The following PTPRQ variants were observed in gnomAD, a reference collection of about 807,000 sequenced individuals.
PTPRQ encodes the protein phosphatidylinositol phosphatase PTPRQ.
Under a neutral mutation model 246.0 loss-of-function variants are expected in PTPRQ, and 199 were observed. That is an observed-to-expected ratio of 0.81 (90% confidence interval 0.72 to 0.91). The LOEUF is 0.91. PTPRQ is among the 40% of genes least tolerant of loss of function. The pLI, the probability that PTPRQ is intolerant of heterozygous loss-of-function variation, is 0.00. For missense variants in PTPRQ, 2,624 were observed against 2,528.4 expected, an observed-to-expected ratio of 1.04 and a Z score of -0.81; for synonymous variants, 869 against 853.2, an observed-to-expected ratio of 1.02 and a Z score of -0.32.
chr12:80,617,818 G>T (rs1391900522), intron 30 of PTPRQ, among the ~76,000 whole-genome samples: 1 of 151,440 alleles, frequency 6.6e-6, no homozygotes, highest in African/African-American at 2.4e-5. Context: ...GCATTTGACA[G>T]ATATTATGAA....
chr12:80,486,929 T>A (rs1197675798), intron 9 of PTPRQ, among the ~76,000 whole-genome samples: 6 of 152,202 alleles, frequency 3.9e-5, no homozygotes, highest in African/African-American at 1.4e-4. Flanking sequence ...TGCAATTTTA[T>A]GTACTGTGAC....
chr12:80,625,529 A>G (rs968086535), intron 33 of PTPRQ, among the ~76,000 whole-genome samples: 1 of 152,166 alleles, frequency 6.6e-6, no homozygotes, highest in South Asian at 2.1e-4. Flanking sequence ...TGCCTCTCAG[A>G]GACGTTATTA....
intron 35 of PTPRQ, among the ~76,000 whole-genome samples, chr12:80,635,373 C>T (rs763053903): frequency 6.6e-6 from 1 of 152,092 alleles, no homozygotes; most frequent in South Asian, 2.1e-4. Context: ...TAATTCATTT[C>T]ATATGATAGA....
In PTPRQ at chr12:80,496,221, G is replaced by T. The variant is rs556262144; in HGVS notation, c.1991-29G>T. Reference sequence around the variant, plus strand: ...GCAACAAACATCAATAAAAATATAGGTACTACAAATGTTCTTTTCTTCCCC... The same window carrying T: ...GCAACAAACATCAATAAAAATATAGTTACTACAAATGTTCTTTTCTTCCCC... On this transcript the variant is annotated intron_variant, in intron 13 of 44. Transcript: ENST00000644991. 1.4e-5 allele frequency: 21 copies of T among 1,542,534 alleles called. No individual in the cohort carries two copies. The African/African-American group carries it at 2.8e-4, about 20-fold the overall frequency.
At chr12:80,493,207 C>A in intron 9 of PTPRQ, 68 bp from the exon 10 acceptor site, 1 of 1,344,262 alleles carries the variant, frequency 7.4e-7, no homozygotes, top group Non-Finnish European at 9.6e-7. Flanking sequence ...TTTTTTAGAA[C>A]TAATACTTGA....
intron 33 of PTPRQ, among the ~76,000 whole-genome samples, chr12:80,627,992 C>T (rs1202279302): frequency 1.3e-5 from 2 of 151,932 alleles, no homozygotes; most frequent in African/African-American, 2.4e-5. Context: ...CCTCATTTGG[C>T]CAGTGCTTTG....
intron 17 of PTPRQ, among the ~76,000 whole-genome samples, chr12:80,516,045 A>G (rs1234433166): frequency 1.3e-5 from 2 of 152,212 alleles, no homozygotes; most frequent in African/African-American, 4.8e-5. Context: ...TTATTGATAA[A>G]TAACACGTAT....
chr12:80,490,760 CA>C (rs1271341338), intron 9 of PTPRQ, among the ~76,000 whole-genome samples: 3 of 151,844 alleles, frequency 2.0e-5, no homozygotes, highest in Admixed American at 6.6e-5. Context: ...TTAGGTGTTG[CA>C]ATGGACTTTT....
intron 44 of PTPRQ, 128 bp downstream of exon 44, chr12:80,678,853 T>G (rs896200939): frequency 1.0e-4 from 144 of 1,431,888 alleles, no homozygotes; most frequent in Non-Finnish European, 9.9e-5. Flanking sequence ...AGGTTTTTTT[T>G]CTTTAACTTT....
intron 37 of PTPRQ, among the ~76,000 whole-genome samples, chr12:80,651,868 C>T (rs1320863925): frequency 6.6e-6 from 1 of 151,894 alleles, no homozygotes; most frequent in Non-Finnish European, 1.5e-5. Flanking sequence ...TTACACCATT[C>T]CTGTCCCTTA....
chr12:80,634,934 G>A lies in PTPRQ; in HGVS notation c.5787-11G>A, dbSNP rs999763932. On this transcript the variant is annotated splice_polypyrimidine_tract_variant and intron_variant, in intron 34 of 44. Coordinates refer to ENST00000644991, the MANE Select transcript of PTPRQ (RefSeq NM_001145026.2). ...AAACTCCCTTCTTGGACTTTACTCC[G>A]CTTGTTTTAGAATTCGACAGAAGCA... is the stretch of plus-strand genomic sequence containing the variant. 4.2e-5 allele frequency: 65 copies of A among 1,548,068 alleles called. No homozygotes were observed. The East Asian group carries it at 8.1e-4, about 19-fold the overall frequency.
At position 80,496,103 on chromosome 12, in the gene PTPRQ, G is replaced by T. The variant is rs973279195; in HGVS notation, c.1987G>T (p.Asp663Tyr). The T allele has an allele frequency of 6.5e-7, 1 of 1,546,672 alleles. No homozygotes were observed. The highest frequency in any genetic ancestry group is 8.7e-7 in the Non-Finnish European group (1 of 1,145,566). The stretch of plus-strand genomic sequence containing the variant: ...TGACATCTTTGTGAGAACTTCAGAA[G>T]ATGGTAAGAATATCAATTGCAGCTT... ...ENDIFVRTSEDEPESSPQDVE... is the reference protein window; with the variant it reads ...ENDIFVRTSEYEPESSPQDVE... The change falls in exon 13 of 45, where the codon GAT (aspartate) becomes TAT (tyrosine). Residue 663 changes from aspartate (D) to tyrosine (Y), a missense_variant. Asp to Tyr is a radical substitution (Grantham distance 160). Transcript: ENST00000644991.
chr12:80,523,715 C>A (rs1308223340), intron 17 of PTPRQ, among the ~76,000 whole-genome samples: 1 of 152,172 alleles, frequency 6.6e-6, no homozygotes, highest in Non-Finnish European at 1.5e-5. Flanking sequence ...TTTGATTGCA[C>A]TGTGATCTGA....
chr12:80,578,215 C>T (rs1331931653), intron 25 of PTPRQ, among the ~76,000 whole-genome samples: 3 of 109,840 alleles, frequency 2.7e-5, no homozygotes, highest in Admixed American at 1.0e-4. Context: ...TGCTATCCCT[C>T]CCCCCTCCCC....
At chr12:80,657,369 G>T (rs1900477433) in intron 38 of PTPRQ, among the ~76,000 whole-genome samples, 1 of 151,738 alleles carries the variant, frequency 6.6e-6, no homozygotes, top group African/African-American at 2.4e-5. Flanking sequence ...AGAGAAAACA[G>T]AATTTTTCAA....
At chr12:80,519,521 G>A (rs994662349) in intron 17 of PTPRQ, among the ~76,000 whole-genome samples, 13 of 152,214 alleles carry the variant, frequency 8.5e-5, no homozygotes, top group Admixed American at 1.3e-4. Context: ...AGCAAAGACC[G>A]GAGATGGGCA....
At chr12:80,634,377 A>T (rs1899560702) in intron 34 of PTPRQ, among the ~76,000 whole-genome samples, 1 of 152,192 alleles carries the variant, frequency 6.6e-6, no homozygotes, top group African/African-American at 2.4e-5. Flanking sequence ...TGATTCTCAG[A>T]TTCATGTGGC....
intron 28 of PTPRQ, among the ~76,000 whole-genome samples, chr12:80,612,709 A>G (rs192613133): frequency 2.0e-5 from 3 of 150,586 alleles, no homozygotes; most frequent in Admixed American, 1.3e-4. Context: ...TTGAAAAATT[A>G]TGCTCACACA....
intron 26 of PTPRQ, among the ~76,000 whole-genome samples, chr12:80,601,009 ACT>A (rs1472228277): frequency 2.6e-5 from 4 of 151,372 alleles, no homozygotes; most frequent in Admixed American, 6.6e-5. Context: ...CCTCCTGGAC[ACT>A]CTTTCTCCAA....
Sources: gnomAD v4.1 joint callset for allele counts (sites outside exome capture counted in the v4.1 genomes callset) on GRCh38, gnomAD v4.1.1 for gene constraint, MANE v1.5 for transcripts, NCBI Gene and HGNC (gene_info 2026-07-23, HGNC 2026-07-21) for gene names.